Variants in UST observed in about 807,000 individuals in gnomAD.
UST encodes the protein chondroitin sulfate 2-O-sulfotransferase.
UST carries 21 observed loss-of-function variants against 45.6 expected under a neutral mutation model. That is an observed-to-expected ratio of 0.46 (90% CI 0.33 to 0.66). The LOEUF (loss-of-function observed/expected upper bound fraction) is 0.66, where lower values mean the gene tolerates loss of function less well. Among genes scored for constraint, UST ranks in the 30% least tolerant of loss-of-function variants. The pLI is 0.02. For missense variants in UST, 463 were observed against 512.4 expected (o/e 0.90, Z 0.93); for synonymous variants, 215 against 200.6 (o/e 1.07, Z -0.61).
intron 2 of UST, among the ~76,000 whole-genome samples, chr6:148,899,736 G>A (rs9390625): frequency 0.093 from 14,195 of 152,292 alleles, 733 homozygotes; most frequent in South Asian, 0.16. Context: ...CCCCGATGGC[G>A]CCCTGCACGT....
chr6:148,970,312 C>T (rs1326496897), intron 5 of UST, among the ~76,000 whole-genome samples: 1 of 152,120 alleles, frequency 6.6e-6, no homozygotes, highest in African/African-American at 2.4e-5. Context: ...AAACGGCAGC[C>T]ATGTGTGTAG....
intron 1 of UST, among the ~76,000 whole-genome samples, chr6:148,785,126 G>A (rs980375594): frequency 3.3e-5 from 5 of 151,878 alleles, no homozygotes; most frequent in African/African-American, 7.3e-5. Context: ...TCTTGAGTCC[G>A]GGAGACAGAG....
At chr6:148,831,658 G>A (rs142401914) in intron 1 of UST, among the ~76,000 whole-genome samples, 3 of 152,230 alleles carry the variant, frequency 2.0e-5, no homozygotes, top group African/African-American at 4.8e-5. Context: ...AGCTGAGTGC[G>A]GTGGCTCATG....
intron 2 of UST, among the ~76,000 whole-genome samples, chr6:148,930,978 A>G (rs1779911132): frequency 1.3e-5 from 2 of 152,230 alleles, no homozygotes; most frequent in South Asian, 4.1e-4. Context: ...TGGTCTTAAA[A>G]TCTTTGCACA....
chr6:148,786,374 C>A (rs1776735804), intron 1 of UST, among the ~76,000 whole-genome samples: 1 of 152,152 alleles, frequency 6.6e-6, no homozygotes, highest in Non-Finnish European at 1.5e-5. Context: ...TCTTCCTAAT[C>A]CTCTCCCTCT....
chr6:148,837,339 A>T (rs75522423), intron 1 of UST, among the ~76,000 whole-genome samples: 2,242 of 152,302 alleles, frequency 0.015, 28 homozygotes, highest in Non-Finnish European at 0.023. Flanking sequence ...CATGCAGAGA[A>T]CCTAGTAGCA....
chr6:148,973,016 T>A (rs537051177), intron 5 of UST, among the ~76,000 whole-genome samples: 1 of 152,352 alleles, frequency 6.6e-6, no homozygotes, highest in African/African-American at 2.4e-5. Flanking sequence ...ACCCCCTGAA[T>A]GCCTTATGGA....
Position 149,019,157 on chromosome 6 carries a change from C to T in UST, c.700C>T (p.Leu234Phe), listed in dbSNP as rs749053454. Residue 234 changes from leucine to phenylalanine, a missense_variant, in exon 6 of 8, where the codon CTT becomes TTT. Coordinates refer to ENST00000367463, the MANE Select transcript of UST (RefSeq NM_005715.3). Reference sequence around the variant, plus strand: ...CTTCTAGGATATCAATGAGTGTATTCTTGAAAACTATCCCGAGTGCTCCAA... The same window carrying T: ...CTTCTAGGATATCAATGAGTGTATTTTTGAAAACTATCCCGAGTGCTCCAA... ...ERYLDINECI[L>F]ENYPECSNPR... The T allele has an allele frequency of 4.3e-6, 7 of 1,613,632 alleles. No homozygotes were observed. Among genetic ancestry groups the T allele is most frequent in the African/African-American group, 2.7e-5 (2 of 74,916 alleles).
At chr6:149,030,652 T>C (rs1776125972) in intron 7 of UST, among the ~76,000 whole-genome samples, 1 of 150,830 alleles carries the variant, frequency 6.6e-6, no homozygotes, top group African/African-American at 2.5e-5. Flanking sequence ...CGATATTCTC[T>C]ATAAAGATTT....
At chr6:148,905,440 A>G (rs1318360429) in intron 2 of UST, among the ~76,000 whole-genome samples, 6 of 152,172 alleles carry the variant, frequency 3.9e-5, no homozygotes, top group Admixed American at 3.3e-4. Context: ...TGGAAACAGA[A>G]TTGTCAATGT....
At chr6:148,813,059 T>C (rs1039037353) in intron 1 of UST, among the ~76,000 whole-genome samples, 1 of 152,230 alleles carries the variant, frequency 6.6e-6, no homozygotes, top group Non-Finnish European at 1.5e-5. Flanking sequence ...TATACACACA[T>C]GTATGTACAC....
chr6:148,871,141 T>TCTCTCTCTCTCTCC (rs1562283619), intron 1 of UST, among the ~76,000 whole-genome samples: 3 of 149,366 alleles, frequency 2.0e-5, no homozygotes, highest in African/African-American at 7.5e-5. Context: ...TCTCTCTCTC[T>TCTCTCTCTCTCTCC]CTCTCCCTCT....
intron 1 of UST, among the ~76,000 whole-genome samples, chr6:148,767,005 G>A (rs1267034803): frequency 2.0e-5 from 3 of 152,264 alleles, no homozygotes; most frequent in Admixed American, 2.0e-4. Flanking sequence ...CAAATCACTC[G>A]AGGATTTGTT....
intron 1 of UST, among the ~76,000 whole-genome samples, chr6:148,836,075 T>C (rs1249709801): frequency 1.3e-5 from 2 of 152,136 alleles, no homozygotes; most frequent in Non-Finnish European, 2.9e-5. Context: ...TTTGTTTAAT[T>C]TGAACAATCA....
intron 2 of UST, among the ~76,000 whole-genome samples, chr6:148,912,574 G>C (rs1455334228): frequency 6.6e-6 from 1 of 152,184 alleles, no homozygotes; most frequent in Non-Finnish European, 1.5e-5. Context: ...GCCTGTAATG[G>C]CTTCCATAAT....
At chr6:149,067,847 T>C (rs750837887) in intron 7 of UST, among the ~76,000 whole-genome samples, 2 of 152,170 alleles carry the variant, frequency 1.3e-5, no homozygotes, top group African/African-American at 2.4e-5. Flanking sequence ...CCGAACATGG[T>C]AAATACTAGG....
intron 1 of UST, among the ~76,000 whole-genome samples, chr6:148,785,655 T>G (rs910175993): frequency 6.6e-6 from 1 of 152,194 alleles, no homozygotes; most frequent in Non-Finnish European, 1.5e-5. Context: ...TACAATAAAG[T>G]ATTCTTAACA....
intron 2 of UST, among the ~76,000 whole-genome samples, chr6:148,899,400 A>G (rs1779206143): frequency 6.6e-6 from 1 of 152,136 alleles, no homozygotes; most frequent in Admixed American, 6.5e-5. Flanking sequence ...CACCCAGCCT[A>G]CCTAATTCTT....
intron 7 of UST, among the ~76,000 whole-genome samples, chr6:149,060,665 C>A (rs536149629): frequency 6.6e-6 from 1 of 152,332 alleles, no homozygotes; most frequent in South Asian, 2.1e-4. Flanking sequence ...ACTTCCTCTC[C>A]CACTGCCGAG....
Sources: allele counts gnomAD v4.1 joint callset (sites outside exome capture counted in the v4.1 genomes callset), GRCh38; gene constraint gnomAD v4.1.1; transcripts MANE v1.5; gene names NCBI Gene and HGNC (gene_info 2026-07-23, HGNC 2026-07-21).